The following PIWIL1 variants were observed in gnomAD, a reference collection of about 807,000 sequenced individuals.
PIWIL1 encodes the protein piwi-like protein 1.
Under a neutral mutation model 114.4 loss-of-function variants are expected in PIWIL1, and 73 were observed. The observed-to-expected ratio is 0.64, with a 90% confidence interval of 0.53 to 0.78. The LOEUF is 0.78. Ranked by LOEUF, PIWIL1 falls within the 30% of genes least tolerant of loss-of-function variation. PIWIL1 has a pLI of 0.00. For synonymous variants in PIWIL1, 375 were observed against 369.0 expected, an observed-to-expected ratio of 1.02 and a Z score of -0.19; for missense variants, 723 against 1,063.1, an observed-to-expected ratio of 0.68 and a Z score of 4.45.
At chr12:130,377,027 C>G (rs1299448771), downstream of PIWIL1, among the ~76,000 whole-genome samples, 1 of 152,202 alleles carries the variant, frequency 6.6e-6, no homozygotes, top group Non-Finnish European at 1.5e-5. Flanking sequence ...GGGAAGCCCT[C>G]TGTGACCACC....
chr12:130,363,799 G>A (rs2073582324), intron 18 of PIWIL1, among the ~76,000 whole-genome samples: 1 of 151,768 alleles, frequency 6.6e-6, no homozygotes, highest in Non-Finnish European at 1.5e-5. Context: ...TGTATTTTTA[G>A]TAGAGACGGG....
chr12:130,361,332 A>G lies in PIWIL1; in HGVS notation c.1818A>G (p.Leu606=). Reference sequence around the variant, plus strand: ...TGGCCATTGCTACAAAGATTGCCCTACAGATGAACTGCAAGATGGGAGGAG... The same window carrying G: ...TGGCCATTGCTACAAAGATTGCCCTGCAGATGAACTGCAAGATGGGAGGAG... ...TVMAIATKIA[L]QMNCKMGGEL... Residue 606 remains leucine, a synonymous_variant, in exon 15 of 21, where the codon CTA becomes CTG. Coordinates refer to ENST00000245255, the MANE Select transcript of PIWIL1 (RefSeq NM_004764.5). 6.2e-7 allele frequency: 1 copy of G among 1,614,194 alleles called. No homozygotes were observed. Among genetic ancestry groups the G allele is most frequent in the Non-Finnish European group, 8.5e-7 (1 of 1,180,026 alleles).
chr12:130,346,335 A>G (rs1259104293), intron 4 of PIWIL1, 35 bp from the exon 5 acceptor site: 2 of 1,487,000 alleles, frequency 1.3e-6, no homozygotes, highest in Non-Finnish European at 1.9e-6. Flanking sequence ...AATAAACTTG[A>G]TATTTTGTTA....
chr12:130,387,996 T>A, the PIWIL1 span, among the ~76,000 whole-genome samples: 1 of 152,208 alleles, frequency 6.6e-6, no homozygotes, highest in Non-Finnish European at 1.5e-5. Flanking sequence ...ACTTTAAATC[T>A]CTAGAGTAGA....
chr12:130,343,118 AG>A lies in PIWIL1; in HGVS notation c.190+19del. The A allele has an allele frequency of 6.3e-7, 1 of 1,577,048 alleles. No homozygotes were observed. The highest frequency in any genetic ancestry group is 8.7e-7 in the Non-Finnish European group (1 of 1,150,304). On this transcript the variant is annotated intron_variant, in intron 3 of 20. Coordinates refer to ENST00000245255, the MANE Select transcript of PIWIL1 (RefSeq NM_004764.5). ...AGTCACAAGGTGAAGAGAAAGTAAA[AG>A]GAAGTCTTAACAACTCTGTTCAACA... is the stretch of plus-strand genomic sequence containing the variant.
chr12:130,365,132 C>T (rs2073619776), intron 18 of PIWIL1, among the ~76,000 whole-genome samples: 1 of 152,228 alleles, frequency 6.6e-6, no homozygotes, highest in African/African-American at 2.4e-5. Flanking sequence ...GCCTACCCAG[C>T]TCCATCAGCG....
At chr12:130,357,168 C>T in intron 13 of PIWIL1, 63 bp downstream of exon 13, 1 of 1,301,992 alleles carries the variant, frequency 7.7e-7, no homozygotes, top group Non-Finnish European at 1.1e-6. Flanking sequence ...GGGGTGGGAA[C>T]TATTAAACAT....
chr12:130,355,285 T>C (rs559983949), intron 11 of PIWIL1, among the ~76,000 whole-genome samples: 1 of 152,348 alleles, frequency 6.6e-6, no homozygotes, highest in South Asian at 2.1e-4. Context: ...GGTCAAATCT[T>C]TTTTCTATCT....
At chr12:130,407,087 C>G in the PIWIL1 span, among the ~76,000 whole-genome samples, 45 of 152,324 alleles carry the variant, frequency 3.0e-4, no homozygotes, top group African/African-American at 1.0e-3. Flanking sequence ...AAGCAGAAAT[C>G]TAGACAATAT....
chr12:130,406,227 C>T, the PIWIL1 span: 1 of 1,603,448 alleles, frequency 6.2e-7, no homozygotes, highest in Non-Finnish European at 8.5e-7. Flanking sequence ...ATCTCCTGTG[C>T]AAAATGTAAG....
intron 10 of PIWIL1, 80 bp from the exon 11 acceptor site, chr12:130,354,808 T>G: frequency 7.3e-7 from 1 of 1,373,736 alleles, no homozygotes; most frequent in Non-Finnish European, 1.0e-6. Context: ...GAATTCCCAC[T>G]CACCATCACC....
chr12:130,411,174 T>G, the PIWIL1 span, among the ~76,000 whole-genome samples: 28,930 of 152,230 alleles, frequency 0.19, 3,225 homozygotes, highest in East Asian at 0.41. Context: ...GAAATAGAAC[T>G]GATTTTTGTA....
chr12:130,365,854 AG>A (rs1235903617), intron 18 of PIWIL1, among the ~76,000 whole-genome samples: 1 of 152,226 alleles, frequency 6.6e-6, no homozygotes, highest in Non-Finnish European at 1.5e-5. Flanking sequence ...TTTGAAACAG[AG>A]GGCTGCACAC....
chr12:130,385,493 A>G, the PIWIL1 span, among the ~76,000 whole-genome samples: 1 of 152,192 alleles, frequency 6.6e-6, no homozygotes, highest in African/African-American at 2.4e-5. Context: ...CACCCACTCA[A>G]ATATATTTTT....
At chr12:130,417,482 C>A in the PIWIL1 span, among the ~76,000 whole-genome samples, 2 of 152,194 alleles carry the variant, frequency 1.3e-5, no homozygotes, top group African/African-American at 4.8e-5. Context: ...GAACAGAACA[C>A]CAGATACCTC....
chr12:130,415,989 G>C, the PIWIL1 span, among the ~76,000 whole-genome samples: 217 of 143,034 alleles, frequency 1.5e-3, no homozygotes, highest in African/African-American at 5.4e-3. Flanking sequence ...AAAATATACA[G>C]AATACATCTA....
chr12:130,351,123 T>G (rs938251221), intron 9 of PIWIL1: 1 of 152,224 alleles, frequency 6.6e-6, no homozygotes, highest in Non-Finnish European at 1.5e-5. Flanking sequence ...GTGGCATTTT[T>G]CTGTCGTTAA....
At chr12:130,370,810 C>T (rs1015280036) in intron 19 of PIWIL1, among the ~76,000 whole-genome samples, 1 of 152,146 alleles carries the variant, frequency 6.6e-6, no homozygotes, top group Non-Finnish European at 1.5e-5. Context: ...CCCCACAGGT[C>T]GTGCTTCCAG....
At chr12:130,340,632 TGGG>T (rs2072887941) in intron 1 of PIWIL1, among the ~76,000 whole-genome samples, 1 of 48,854 alleles carries the variant, frequency 2.0e-5, no homozygotes, top group Admixed American at 2.2e-4. Context: ...TGGTGGTGGT[TGGG>T]GGAGGGGGGG....
Sources: gnomAD v4.1 joint callset for allele counts (sites outside exome capture counted in the v4.1 genomes callset) on GRCh38, gnomAD v4.1.1 for gene constraint, MANE v1.5 for transcripts, NCBI Gene and HGNC (gene_info 2026-07-23, HGNC 2026-07-21) for gene names.